The following C6orf118 variants were observed in gnomAD, a reference collection of about 807,000 sequenced individuals.
C6orf118 encodes chromosome 6 open reading frame 118.
In C6orf118, 50 loss-of-function variants were observed where a neutral mutation model predicts 50.2. The observed-to-expected ratio is 1.00, with a 90% CI of 0.79 to 1.26. C6orf118 has a LOEUF of 1.26. Among genes scored for constraint, C6orf118 ranks in the 50% most tolerant of loss-of-function variants. The pLI, the probability that C6orf118 is intolerant of heterozygous loss-of-function variation, is 0.00. For synonymous variants in C6orf118, 239 were observed against 230.9 expected, an observed-to-expected ratio of 1.03 and a Z score of -0.32; for missense variants, 641 against 578.7, an observed-to-expected ratio of 1.11 and a Z score of -1.10.
intron 6 of C6orf118, 182 bp downstream of exon 6, chr6:165,293,231 C>A: frequency 1.6e-6 from 1 of 616,818 alleles, no homozygotes. Flanking sequence ...AGGCAGTCAC[C>A]ACCACGTGCC....
At chr6:165,301,368 C>T (rs1438410571) in intron 2 of C6orf118, among the ~76,000 whole-genome samples, 1 of 149,836 alleles carries the variant, frequency 6.7e-6, no homozygotes, top group African/African-American at 2.5e-5. Context: ...ACCAAGAGCA[C>T]TGCACCGAGA....
In C6orf118 at chr6:165,291,944, A is replaced by G. The variant is rs559096458; in HGVS notation, c.1120+1469T>C. On this transcript the variant is annotated intron_variant, in intron 6 of 8. Transcript: ENST00000230301. ...AAACAAGGTGGAAGTAACAGCCATC[A>G]TTCAACTTTGCCAAATTTGGAAGAG... 3.3e-5 allele frequency among the ~76,000 whole-genome samples: 5 copies of G among 152,354 alleles called. No individual in the cohort carries two copies. The South Asian group carries it at 1.0e-3, about 32-fold the overall frequency.
At chr6:165,286,202 C>T (rs1301623452) in intron 7 of C6orf118, among the ~76,000 whole-genome samples, 2 of 152,142 alleles carry the variant, frequency 1.3e-5, no homozygotes, top group Non-Finnish European at 2.9e-5. Context: ...TTTCTGGACA[C>T]ATGCACCCTC....
In C6orf118 at chr6:165,302,315, G is replaced by A. The variant is rs1270902958; in HGVS notation, c.26-19C>T. 1.2e-6 allele frequency: 2 copies of A among 1,604,130 alleles called. No individual in the cohort carries two copies. The highest frequency in any genetic ancestry group is 1.4e-5 in the African/African-American group (1 of 73,600). Reference sequence around the variant, plus strand: ...AGGTACACTGGTCAGAAAAGAAAAGGAGGCTCTTAGGGATCGCTCTTAGTT... The same window carrying A: ...AGGTACACTGGTCAGAAAAGAAAAGAAGGCTCTTAGGGATCGCTCTTAGTT... On this transcript the variant is annotated intron_variant, in intron 1 of 8. Transcript: ENST00000230301.
At chr6:165,289,769 A>G (rs1182222221) in intron 7 of C6orf118, 117 bp downstream of exon 7, 1 of 556,346 alleles carries the variant, frequency 1.8e-6, no homozygotes, top group Non-Finnish European at 2.9e-6. Context: ...TAAAAAGTAC[A>G]TTTGGGCCAA....
At chr6:165,294,272 A>AAAC (rs1780215714) in intron 5 of C6orf118, among the ~76,000 whole-genome samples, 1 of 145,106 alleles carries the variant, frequency 6.9e-6, no homozygotes, top group Non-Finnish European at 1.5e-5. Context: ...AAAAAACAAA[A>AAAC]AAAAAAAAAG....
chr6:165,297,248 C>G (rs1460323670), intron 5 of C6orf118, among the ~76,000 whole-genome samples: 1 of 151,922 alleles, frequency 6.6e-6, no homozygotes, highest in Non-Finnish European at 1.5e-5. Flanking sequence ...CAGTGAAACC[C>G]TGTCTCTACT....
intron 6 of C6orf118, among the ~76,000 whole-genome samples, chr6:165,290,492 T>TCC: frequency 6.6e-6 from 1 of 151,930 alleles, no homozygotes; most frequent in African/African-American, 2.4e-5. Context: ...GTGGCTAGGT[T>TCC]GAAATACAAA....
At chr6:165,293,166 C>T in intron 6 of C6orf118, 1 of 446,530 alleles carries the variant, frequency 2.2e-6, no homozygotes, top group South Asian at 4.4e-5. Flanking sequence ...CAATTAATTC[C>T]TCATGAAATG....
intron 7 of C6orf118, among the ~76,000 whole-genome samples, chr6:165,285,337 G>A (rs1779865220): frequency 6.6e-6 from 1 of 151,630 alleles, no homozygotes; most frequent in Non-Finnish European, 1.5e-5. Flanking sequence ...GACCTACAAA[G>A]TCTCTAATAA....
At chr6:165,307,357 G>C (rs1780778330) in intron 1 of C6orf118, among the ~76,000 whole-genome samples, 2 of 151,864 alleles carry the variant, frequency 1.3e-5, no homozygotes, top group African/African-American at 4.8e-5. Flanking sequence ...TCAGGAGTTC[G>C]AGACCAGTCT....
intron 5 of C6orf118, among the ~76,000 whole-genome samples, chr6:165,294,299 T>C (rs1352060779): frequency 2.2e-5 from 3 of 136,742 alleles, no homozygotes; most frequent in African/African-American, 8.1e-5. Flanking sequence ...AATAAGTAAA[T>C]AATACAAGAA....
In C6orf118 at chr6:165,301,984, G is replaced by A; in HGVS notation, c.338C>T (p.Thr113Ile). ...ACTGGGGACCAGGGCCGTGTGGATG[G>A]TGAAGTGGGCCAGGGCCTCCTTCAT... ...ARMKEALAHF[T>I]IHTALVPSEA... Residue 113 changes from threonine (T) to isoleucine (I), a missense_variant, in exon 2 of 9, where the codon ACC becomes ATC. Thr to Ile is a moderately conservative substitution (Grantham distance 89, BLOSUM62 -1). Coordinates refer to ENST00000230301, the MANE Select transcript of C6orf118 (RefSeq NM_144980.4). 1 of 1,613,686 alleles carries A rather than the reference G, an allele frequency of 6.2e-7. No homozygotes were observed. Among genetic ancestry groups the A allele is most frequent in the Non-Finnish European group, 8.5e-7 (1 of 1,179,966 alleles).
chr6:165,306,535 C>CAAAAAAAAAAA (rs60755206), intron 1 of C6orf118, among the ~76,000 whole-genome samples: 1 of 39,686 alleles, frequency 2.5e-5, no homozygotes, highest in African/African-American at 7.6e-5. Context: ...TAGGTGAATG[C>CAAAAAAAAAAA]AAAAAAAAAA....
intron 7 of C6orf118, among the ~76,000 whole-genome samples, chr6:165,288,263 T>G (rs1196541086): frequency 1.3e-5 from 2 of 152,128 alleles, no homozygotes; most frequent in African/African-American, 2.4e-5. Flanking sequence ...ATGGCAATTG[T>G]TAAAAAGTCA....
chr6:165,299,532 C>G, intron 3 of C6orf118, 30 bp from the exon 4 acceptor site: 2 of 1,602,456 alleles, frequency 1.2e-6, no homozygotes. Context: ...AGTCCACTGG[C>G]CATGTATGAG....
intron 6 of C6orf118, among the ~76,000 whole-genome samples, chr6:165,292,266 C>T (rs952538991): frequency 1.3e-5 from 2 of 152,062 alleles, no homozygotes; most frequent in African/African-American, 2.4e-5. Context: ...GGACATTCCA[C>T]AGCAAATGTG....
At chr6:165,281,984 A>C in intron 7 of C6orf118, 1 of 203,642 alleles carries the variant, frequency 4.9e-6, no homozygotes, top group Non-Finnish European at 9.8e-6. Context: ...TTCAGAACTA[A>C]TGATAGAATT....
Position 165,293,471 on chromosome 6 carries a change from T to C in C6orf118, c.1062A>G (p.Arg354=). 3.1e-6 allele frequency: 5 copies of C among 1,612,666 alleles called. No individual in the cohort carries two copies. Among genetic ancestry groups the C allele is most frequent in the Admixed American group, 1.7e-5 (1 of 59,952 alleles). The stretch of plus-strand genomic sequence containing the variant: ...CCTCCATCTCCAGTTCACTTCTGAG[T>C]CTACAATGTGAGGATAAACAATAGG... The part of the protein sequence containing the change: ...ATKAALEQND[R]LRSELEMEVA... Residue 354 remains arginine (R), a splice_region_variant and synonymous_variant, in exon 6 of 9, where the codon AGA becomes AGG. Transcript: ENST00000230301.
Sources: gnomAD v4.1 joint callset for allele counts (sites outside exome capture counted in the v4.1 genomes callset) on GRCh38, gnomAD v4.1.1 for gene constraint, MANE v1.5 for transcripts, NCBI Gene and HGNC (gene_info 2026-07-23, HGNC 2026-07-21) for gene names.